The following PRDM11 variants were observed in gnomAD, a reference collection of about 807,000 sequenced individuals.
The protein encoded by PRDM11 is PR domain-containing protein 11.
A neutral mutation model predicts 97.8 loss-of-function variants in PRDM11; 20 were observed. The ratio of observed to expected loss-of-function variants is 0.20; its 90% CI spans 0.14 to 0.30. The LOEUF (loss-of-function observed/expected upper bound fraction) is 0.30. Among genes scored for constraint, PRDM11 ranks in the 10% least tolerant of loss-of-function variants. The probability of loss-of-function intolerance (pLI) is 1.00; values close to 1 mark genes in which losing one functional copy is unlikely to be tolerated. For missense variants in PRDM11, 1,139 were observed against 1,555.2 expected (o/e 0.73, Z 4.50); for synonymous variants, 599 against 637.7 (o/e 0.94, Z 0.91).
chr11:45,197,603 C>G (rs551849085), intron 4 of PRDM11, among the ~76,000 whole-genome samples: 4 of 152,142 alleles, frequency 2.6e-5, no homozygotes, highest in African/African-American at 9.6e-5. Flanking sequence ...CACTTATTTC[C>G]AAACTCATCA....
intron 1 of PRDM11, among the ~76,000 whole-genome samples, chr11:45,169,502 A>G (rs992798801): frequency 6.6e-6 from 1 of 152,248 alleles, no homozygotes; most frequent in Non-Finnish European, 1.5e-5. Context: ...TGTATTACAC[A>G]TGTTAATTCA....
chr11:45,163,610 C>G lies in PRDM11; in HGVS notation c.-7+16733C>G, dbSNP rs1393556164. Among the ~76,000 whole-genome samples the G allele has an allele frequency of 2.0e-5, 3 of 152,378 alleles. No individual in the cohort carries two copies. In the East Asian group the frequency reaches 5.8e-4, roughly 29 times the overall value. On this transcript the variant is annotated intron_variant, in intron 1 of 7. Coordinates refer to ENST00000683152, the MANE Select transcript of PRDM11 (RefSeq NM_001384648.1). ...CTAAATAGCTCTGACAGCAGGATCT[C>G]TGCAGGAGGACTCAGTTCTAGCCTA... is the stretch of plus-strand genomic sequence containing the variant.
intron 1 of PRDM11, among the ~76,000 whole-genome samples, chr11:45,136,039 T>A (rs1455158171): frequency 6.6e-6 from 1 of 152,240 alleles, no homozygotes; most frequent in Non-Finnish European, 1.5e-5. Context: ...GAATAATCTA[T>A]GAACTTAATG....
At chr11:45,158,834 G>T (rs559758382) in intron 1 of PRDM11, among the ~76,000 whole-genome samples, 2 of 152,220 alleles carry the variant, frequency 1.3e-5, no homozygotes, top group East Asian at 3.9e-4. Context: ...TGAGCCTGTT[G>T]TGCATGGCTT....
intron 1 of PRDM11, among the ~76,000 whole-genome samples, chr11:45,121,499 G>A (rs933527384): frequency 2.0e-5 from 3 of 152,054 alleles, no homozygotes; most frequent in African/African-American, 7.3e-5. Flanking sequence ...CAGAGTTACA[G>A]ATTTAACACA....
intron 1 of PRDM11, among the ~76,000 whole-genome samples, chr11:45,131,210 T>C (rs1298569238): frequency 6.6e-6 from 1 of 152,210 alleles, no homozygotes; most frequent in East Asian, 1.9e-4. Context: ...CTTGTGGTGA[T>C]AGAATCTGAG....
chr11:45,203,556 A>T lies in PRDM11; in HGVS notation c.487-1155A>T, dbSNP rs564031211. 3.9e-5 allele frequency among the ~76,000 whole-genome samples: 6 copies of T among 152,226 alleles called. No homozygotes were observed. In the South Asian group the frequency reaches 8.3e-4, roughly 21 times the overall value. On this transcript the variant is annotated intron_variant, in intron 4 of 7. Coordinates refer to ENST00000683152, the MANE Select transcript of PRDM11 (RefSeq NM_001384648.1). Reference sequence around the variant, plus strand: ...AGATATTTTTCCAGAGAGTGCCCAGAATAATAAAGAGAAAAATATGGAAGA... The same window carrying T: ...AGATATTTTTCCAGAGAGTGCCCAGTATAATAAAGAGAAAAATATGGAAGA...
chr11:45,166,809 C>T (rs1049787586), intron 1 of PRDM11, among the ~76,000 whole-genome samples: 2 of 152,224 alleles, frequency 1.3e-5, no homozygotes, highest in South Asian at 2.1e-4. Flanking sequence ...CCTTCCTGGT[C>T]GAGTGTCACA....
At chr11:45,194,590 C>CTTTT (rs1183339151) in intron 4 of PRDM11, among the ~76,000 whole-genome samples, 2,671 of 89,856 alleles carry the variant, frequency 0.03, 679 homozygotes, top group South Asian at 0.053. Context: ...TTATTATCTT[C>CTTTT]TGTTTTTTTT....
In PRDM11 at chr11:45,224,326, G is replaced by A. The variant is rs754059293; in HGVS notation, c.852G>A (p.Lys284=). ...SVLRQGKSPY[K]RGFDEGDVHP... is the part of the protein sequence containing the mutation. ...TGAGACAGGGCAAAAGTCCCTACAA[G>A]CGTGGCTTTGATGAGGGGGATGTAC... The change falls in exon 7 of 8, where the codon AAG becomes AAA. Residue 284 remains lysine, a synonymous_variant. Transcript: ENST00000683152. 1.9e-6 allele frequency: 3 copies of A among 1,614,070 alleles called. No individual in the cohort carries two copies. Among genetic ancestry groups the A allele is most frequent in the Non-Finnish European group, 1.7e-6 (2 of 1,180,052 alleles).
At chr11:45,133,206 C>T (rs549308217) in intron 1 of PRDM11, among the ~76,000 whole-genome samples, 1 of 152,318 alleles carries the variant, frequency 6.6e-6, no homozygotes, top group Admixed American at 6.5e-5. Context: ...TAATTCCTTA[C>T]CTCTCATTTT....
At chr11:45,191,775 G>A (rs991217103) in intron 4 of PRDM11, among the ~76,000 whole-genome samples, 1 of 151,846 alleles carries the variant, frequency 6.6e-6, no homozygotes, top group African/African-American at 2.4e-5. Context: ...AATTGCTACT[G>A]GGGTGTCCTT....
chr11:45,158,088 G>A (rs953417694), intron 1 of PRDM11, among the ~76,000 whole-genome samples: 3 of 152,338 alleles, frequency 2.0e-5, no homozygotes, highest in East Asian at 1.9e-4. Context: ...TTGAGGTAGC[G>A]AGGGAAAAGT....
intron 4 of PRDM11, among the ~76,000 whole-genome samples, chr11:45,203,810 A>C: frequency 6.6e-6 from 1 of 152,110 alleles, no homozygotes; most frequent in East Asian, 1.9e-4. Flanking sequence ...TACGTGTTTA[A>C]CAGAAATTGT....
intron 5 of PRDM11, among the ~76,000 whole-genome samples, chr11:45,208,610 G>A (rs556447265): frequency 3.3e-5 from 5 of 152,230 alleles, no homozygotes; most frequent in African/African-American, 7.2e-5. Context: ...AGCTCTCACC[G>A]CTAGTAAGAG....
intron 1 of PRDM11, among the ~76,000 whole-genome samples, chr11:45,131,202 TGTG>T (rs1852711897): frequency 6.6e-6 from 1 of 152,156 alleles, no homozygotes; most frequent in Admixed American, 6.5e-5. Context: ...AAAACTCACT[TGTG>T]GTGATAGAAT....
intron 1 of PRDM11, among the ~76,000 whole-genome samples, chr11:45,102,519 A>G (rs1851995415): frequency 6.6e-6 from 1 of 151,972 alleles, no homozygotes; most frequent in Non-Finnish European, 1.5e-5. Context: ...CAATCCAGCC[A>G]CTCCCAGGAA....
Position 45,101,567 on chromosome 11 carries a change from A to AAAAGAAGAAGAAGAAGAAG in PRDM11, c.96+5668_96+5669insAGAAGAAGAAGAAGAAGAA, listed in dbSNP as rs767802218. 5.2e-5 allele frequency among the ~76,000 whole-genome samples: 5 copies of AAAAGAAGAAGAAGAAGAAG among 96,834 alleles called. 1 individual carries two copies. The highest frequency in any genetic ancestry group is 2.0e-4 in the African/African-American group (4 of 20,506). 63.5% of individuals were successfully genotyped at this position (96,834 alleles called of 152,430 possible). A position where few individuals can be genotyped will look rare whatever the true frequency, so the allele number is the denominator to read the frequency against. On this transcript the variant is annotated intron_variant, in intron 1 of 6. Coordinates refer to the PRDM11 transcript ENST00000530656. Reference sequence around the variant, plus strand: ...CAACACTCTGTCTCAAAAAAAAAAAAAAGAAGAAGAAGAAGAAGAAGAAGA... The same window carrying AAAAGAAGAAGAAGAAGAAG: ...CAACACTCTGTCTCAAAAAAAAAAAAAAAGAAGAAGAAGAAGAAGAAGAAGAAGAAGAAGAAGAAGAAGA...
At chr11:45,114,819 A>G (rs1565230983) in intron 1 of PRDM11, among the ~76,000 whole-genome samples, 1 of 152,134 alleles carries the variant, frequency 6.6e-6, no homozygotes, top group African/African-American at 2.4e-5. Flanking sequence ...ATGTGCTGAA[A>G]GGGAAAAAAA....
Sources: gnomAD v4.1 joint callset for allele counts (sites outside exome capture counted in the v4.1 genomes callset) on GRCh38, gnomAD v4.1.1 for gene constraint, MANE v1.5 for transcripts, NCBI Gene and HGNC (gene_info 2026-07-23, HGNC 2026-07-21) for gene names.